The following ALK variants were observed in gnomAD, a reference collection of about 807,000 sequenced individuals.
The protein encoded by ALK is ALK tyrosine kinase receptor.
ALK carries 74 observed loss-of-function variants against 163.1 expected under a neutral mutation model. The observed-to-expected ratio is 0.45, with a 90% CI of 0.38 to 0.55. The LOEUF is 0.55. ALK is among the 20% of genes least tolerant of loss of function. ALK has a pLI of 0.00. For synonymous variants in ALK, 960 were observed against 843.2 expected (o/e 1.14, Z -2.40); for missense variants, 2,063 against 2,105.3 (o/e 0.98, Z 0.39).
At chr2:29,397,526 C>T (rs1234431693) in intron 4 of ALK, among the ~76,000 whole-genome samples, 10 of 152,218 alleles carry the variant, frequency 6.6e-5, no homozygotes. Flanking sequence ...CAAACTAATA[C>T]AGGTCGATCA....
chr2:29,404,756 G>A (rs1669539932), intron 4 of ALK, among the ~76,000 whole-genome samples: 1 of 152,162 alleles, frequency 6.6e-6, no homozygotes, highest in Non-Finnish European at 1.5e-5. Flanking sequence ...CTGTCTAAAT[G>A]CTGAGAAAAA....
chr2:29,589,929 T>C (rs921139819), intron 3 of ALK, among the ~76,000 whole-genome samples: 4 of 152,238 alleles, frequency 2.6e-5, no homozygotes, highest in Admixed American at 2.6e-4. Context: ...TCTAGCACGC[T>C]TGTCAAATTG....
chr2:29,276,625 C>T (rs1034858046), intron 9 of ALK, among the ~76,000 whole-genome samples: 4 of 152,108 alleles, frequency 2.6e-5, no homozygotes, highest in Admixed American at 2.6e-4. Context: ...TATGGTACAG[C>T]CATATGATGG....
At chr2:29,693,308 T>C (rs937941950) in intron 3 of ALK, among the ~76,000 whole-genome samples, 1 of 152,064 alleles carries the variant, frequency 6.6e-6, no homozygotes. Flanking sequence ...CCATCTCAGA[T>C]CTATTGAATC....
chr2:29,495,670 G>GA (rs1363289816), intron 4 of ALK, among the ~76,000 whole-genome samples: 1 of 152,136 alleles, frequency 6.6e-6, no homozygotes, highest in Non-Finnish European at 1.5e-5. Context: ...TTTGACAGAG[G>GA]AGGAAACACA....
chr2:29,349,415 G>A (rs1484405309), intron 5 of ALK, among the ~76,000 whole-genome samples: 2 of 152,164 alleles, frequency 1.3e-5, no homozygotes, highest in South Asian at 2.1e-4. Context: ...GCTGAGATTC[G>A]TGGGGCAACA....
intron 1 of ALK, among the ~76,000 whole-genome samples, chr2:29,891,686 CA>C (rs1456755842): frequency 1.3e-5 from 2 of 152,110 alleles, no homozygotes; most frequent in Non-Finnish European, 2.9e-5. Flanking sequence ...TGTTAATATT[CA>C]CATCCAACTG....
At chr2:29,889,691 T>TAGAC (rs1558535259) in intron 1 of ALK, among the ~76,000 whole-genome samples, 1 of 23,308 alleles carries the variant, frequency 4.3e-5, no homozygotes, top group Non-Finnish European at 1.2e-4. Flanking sequence ...TATAGATAGA[T>TAGAC]AGACAGAGAG....
At chr2:29,914,238 G>C (rs1293839177) in intron 1 of ALK, among the ~76,000 whole-genome samples, 6 of 152,158 alleles carry the variant, frequency 3.9e-5, no homozygotes, top group African/African-American at 1.4e-4. Flanking sequence ...GCCTTCCATG[G>C]TGAAATGGTA....
At chr2:29,370,959 G>T (rs1420585740) in intron 5 of ALK, among the ~76,000 whole-genome samples, 2 of 152,240 alleles carry the variant, frequency 1.3e-5, no homozygotes, top group Non-Finnish European at 2.9e-5. Flanking sequence ...GTTAATGTTT[G>T]TTAATCGTTT....
chr2:29,690,865 T>C (rs78062834), intron 3 of ALK, among the ~76,000 whole-genome samples: 2,135 of 152,262 alleles, frequency 0.014, 43 homozygotes, highest in African/African-American at 0.049. Context: ...CCCATGAATA[T>C]TGAGTTAGAA....
intron 3 of ALK, among the ~76,000 whole-genome samples, chr2:29,666,031 C>A (rs563354503): frequency 2.0e-5 from 3 of 152,000 alleles, no homozygotes; most frequent in Admixed American, 2.0e-4. Flanking sequence ...CCGAAGTTCA[C>A]GCAACAGTGC....
chr2:29,919,456 A>G (rs377485153), intron 1 of ALK, among the ~76,000 whole-genome samples: 75 of 152,256 alleles, frequency 4.9e-4, no homozygotes, highest in African/African-American at 1.7e-3. Flanking sequence ...GAATAAATAA[A>G]TAAAGAAGAG....
intron 15 of ALK, among the ~76,000 whole-genome samples, chr2:29,231,166 C>T (rs1010915747): frequency 1.1e-4 from 17 of 152,016 alleles, no homozygotes; most frequent in Non-Finnish European, 2.1e-4. Context: ...GGAGAAACCA[C>T]GTCTCTACTA....
intron 1 of ALK, among the ~76,000 whole-genome samples, chr2:29,783,244 A>G (rs996825670): frequency 6.6e-6 from 1 of 152,186 alleles, no homozygotes; most frequent in African/African-American, 2.4e-5. Flanking sequence ...TTGTCACCTG[A>G]CATTTAGCTT....
At chr2:29,881,406 T>C (rs184364164) in intron 1 of ALK, among the ~76,000 whole-genome samples, 1 of 152,206 alleles carries the variant, frequency 6.6e-6, no homozygotes, top group South Asian at 2.1e-4. Flanking sequence ...GGTGCTTTTA[T>C]CAAATTTCAG....
rs910888798 is a variant in ALK at position 29,921,375 on chromosome 2, G to A, written c.-716C>T. 3.0e-5 allele frequency: 7 copies of A among 232,812 alleles called. No homozygotes were observed. The highest frequency in any genetic ancestry group is 1.3e-4 in the African/African-American group (6 of 45,318). 14.4% of individuals were successfully genotyped at this position (232,812 alleles called of 1,614,324 possible). A position where few individuals can be genotyped will look rare whatever the true frequency, so the allele number is the denominator to read the frequency against. On this transcript the variant is annotated 5_prime_UTR_variant, in exon 1 of 29. Coordinates refer to ENST00000389048, the MANE Select transcript of ALK (RefSeq NM_004304.5). ...CCTCAGAGTTCGCAGGCACTGGAGCGGCCCCGGCGGCAGCAGCTGAGGGCG... is the reference window on the plus strand; with the variant it reads ...CCTCAGAGTTCGCAGGCACTGGAGCAGCCCCGGCGGCAGCAGCTGAGGGCG...
At chr2:29,695,539 G>A (rs909992601) in intron 2 of ALK, among the ~76,000 whole-genome samples, 1 of 152,052 alleles carries the variant, frequency 6.6e-6, no homozygotes, top group Non-Finnish European at 1.5e-5. Flanking sequence ...ATGTATGTGC[G>A]GCTTACAACC....
intron 1 of ALK, among the ~76,000 whole-genome samples, chr2:29,849,539 G>A (rs768031842): frequency 3.3e-5 from 5 of 152,188 alleles, no homozygotes; most frequent in Non-Finnish European, 7.3e-5. Context: ...TATTCTCAGG[G>A]CCTACGTGGC....
Sources: gnomAD v4.1 joint callset for allele counts (sites outside exome capture counted in the v4.1 genomes callset) on GRCh38, gnomAD v4.1.1 for gene constraint, MANE v1.5 for transcripts, NCBI Gene and HGNC (gene_info 2026-07-23, HGNC 2026-07-21) for gene names.